COP1: variants seen among roughly 807,000 people sequenced by gnomAD.
The protein encoded by COP1 is COP1 E3 ubiquitin ligase, also known as E3 ubiquitin-protein ligase COP1.
A neutral mutation model predicts 101.3 loss-of-function variants in COP1; 24 were observed. The observed-to-expected ratio is 0.24, with a 90% CI of 0.17 to 0.33. COP1 has a LOEUF of 0.33. Ranked by LOEUF, COP1 falls within the 10% of genes least tolerant of loss-of-function variation. The pLI, the probability that COP1 is intolerant of heterozygous loss-of-function variation, is 1.00. For synonymous variants in COP1, 347 were observed against 341.9 expected, an observed-to-expected ratio of 1.01 and a Z score of -0.17; for missense variants, 663 against 906.2, an observed-to-expected ratio of 0.73 and a Z score of 3.45.
chr1:176,081,066 T>C, intron 11 of COP1, 86 bp downstream of exon 11: 2 of 1,215,604 alleles, frequency 1.6e-6, no homozygotes, highest in Non-Finnish European at 2.3e-6. Context: ...CCCACGCTTT[T>C]AATAATAATG....
At position 176,007,213 on chromosome 1, in the gene COP1, C is replaced by G. The variant is rs1201419058; in HGVS notation, c.1730-17734G>C. ...GCTCCATCAGCTCCTTTAAGCACTT[C>G]TCTATATTGGTTATTCTAGTTATAC... On this transcript the variant is annotated intron_variant, in intron 15 of 19. Transcript: ENST00000367669. Among the ~76,000 whole-genome samples the G allele has an allele frequency of 5.3e-5, 8 of 152,258 alleles. No homozygotes were observed. In the East Asian group the frequency reaches 1.5e-3, roughly 29 times the overall value.
chr1:176,163,765 A>T, intron 4 of COP1, 50 bp downstream of exon 4: 1 of 1,216,692 alleles, frequency 8.2e-7, no homozygotes. Flanking sequence ...AAACCAATAA[A>T]AACAACAAAA....
chr1:176,100,979 C>T (rs1057053353), intron 9 of COP1, among the ~76,000 whole-genome samples: 2 of 152,064 alleles, frequency 1.3e-5, no homozygotes, highest in Non-Finnish European at 2.9e-5. Context: ...AGTTAAAAGG[C>T]ACAGCATAGG....
intron 11 of COP1, among the ~76,000 whole-genome samples, chr1:176,073,775 A>G (rs1677439173): frequency 6.6e-6 from 1 of 152,226 alleles, no homozygotes; most frequent in South Asian, 2.1e-4. Flanking sequence ...CCAAATAAGC[A>G]AAGGAAGAAA....
intron 14 of COP1, among the ~76,000 whole-genome samples, chr1:176,028,729 T>TATATATATATATATATATATATATA (rs1571787386): frequency 3.0e-5 from 1 of 33,006 alleles, no homozygotes; most frequent in Non-Finnish European, 6.6e-5. Context: ...ATATATATAG[T>TATATATATATATATATATATATATA]TTTATATATA....
intron 18 of COP1, among the ~76,000 whole-genome samples, chr1:175,963,462 C>G (rs551277018): frequency 6.6e-6 from 1 of 152,086 alleles, no homozygotes; most frequent in Non-Finnish European, 1.5e-5. Context: ...ACAGCCAGCC[C>G]GACCTGGGTT....
chr1:175,990,631 ATT>A (rs896397861), intron 15 of COP1, among the ~76,000 whole-genome samples: 2 of 152,080 alleles, frequency 1.3e-5, no homozygotes, highest in African/African-American at 4.8e-5. Flanking sequence ...AATATCACAG[ATT>A]TTCTTTTCAT....
At chr1:175,953,461 A>G (rs1414428591) in intron 18 of COP1, among the ~76,000 whole-genome samples, 2 of 152,088 alleles carry the variant, frequency 1.3e-5, no homozygotes, top group Non-Finnish European at 2.9e-5. Context: ...TGCTGTCCCT[A>G]AGAAATACAC....
At chr1:176,043,867 T>C (rs1253752320) in intron 12 of COP1, 49 bp from the exon 13 acceptor site, 4 of 1,056,652 alleles carry the variant, frequency 3.8e-6, no homozygotes, top group Non-Finnish European at 4.4e-6. Context: ...TAAATAACAA[T>C]GGGATAAAAA....
chr1:176,197,005 T>C (rs1699772813), intron 1 of COP1, among the ~76,000 whole-genome samples: 2 of 152,046 alleles, frequency 1.3e-5, no homozygotes, highest in Admixed American at 1.3e-4. Context: ...CGGGTTAAAT[T>C]GTATTTCCAT....
chr1:176,144,019 T>A (rs1039884483), intron 6 of COP1, among the ~76,000 whole-genome samples: 1 of 152,100 alleles, frequency 6.6e-6, no homozygotes, highest in Non-Finnish European at 1.5e-5. Context: ...TGGTGACACG[T>A]TGAATGCTTT....
chr1:176,058,783 T>C (rs1674318662), intron 11 of COP1, among the ~76,000 whole-genome samples: 3 of 150,220 alleles, frequency 2.0e-5, no homozygotes, highest in South Asian at 2.1e-4. Context: ...GAATGTGACC[T>C]CTTATCAGAT....
chr1:176,050,053 T>G (rs1672268747), intron 11 of COP1, among the ~76,000 whole-genome samples: 1 of 152,218 alleles, frequency 6.6e-6, no homozygotes, highest in Non-Finnish European at 1.5e-5. Context: ...TTATAAAAAT[T>G]TACTGCATGA....
chr1:176,023,333 A>C (rs1385107036), intron 15 of COP1, among the ~76,000 whole-genome samples: 2 of 152,236 alleles, frequency 1.3e-5, no homozygotes, highest in Admixed American at 1.3e-4. Flanking sequence ...AACTAGGTAC[A>C]TTACTATTGA....
intron 15 of COP1, among the ~76,000 whole-genome samples, chr1:175,998,131 A>G (rs1571524508): frequency 6.7e-6 from 1 of 150,354 alleles, no homozygotes. Context: ...CTATGCAGCC[A>G]TAAAAAATGA....
chr1:176,189,256 GTTCTT>G (rs946124169), intron 1 of COP1, among the ~76,000 whole-genome samples: 6 of 152,010 alleles, frequency 3.9e-5, no homozygotes, highest in Non-Finnish European at 7.4e-5. Context: ...TTTTCTTTCA[GTTCTT>G]TTATTATTGT....
chr1:176,072,491 C>T (rs1677171651), intron 11 of COP1, among the ~76,000 whole-genome samples: 1 of 152,204 alleles, frequency 6.6e-6, no homozygotes, highest in Non-Finnish European at 1.5e-5. Context: ...CCTCTGCACT[C>T]CCATTCATCT....
In COP1 at chr1:176,163,971, G is replaced by T. The variant is rs921281050; in HGVS notation, c.566-80C>A. The T allele has an allele frequency of 4.5e-6, 4 of 893,866 alleles. No individual in the cohort carries two copies. The South Asian group carries it at 6.8e-5, about 15-fold the overall frequency. The allele number at this position is 893,866 out of a possible 1,614,324, so 55.4% of individuals were successfully genotyped here. A position where few individuals can be genotyped will look rare whatever the true frequency, so the allele number is the denominator to read the frequency against. On this transcript the variant is annotated intron_variant, in intron 3 of 19. Coordinates refer to ENST00000367669, the MANE Select transcript of COP1 (RefSeq NM_022457.7). ...ATCATGTAATTCTTCGGTTTAGATA[G>T]ATTCTATTTTACCTATACATAGCCT...
At chr1:175,969,921 T>C (rs1028087278) in intron 18 of COP1, among the ~76,000 whole-genome samples, 1 of 152,214 alleles carries the variant, frequency 6.6e-6, no homozygotes, top group East Asian at 1.9e-4. Flanking sequence ...CACAGTGTAC[T>C]AGTAGTAATA....
Sources: gnomAD v4.1 joint callset for allele counts (sites outside exome capture counted in the v4.1 genomes callset) on GRCh38, gnomAD v4.1.1 for gene constraint, MANE v1.5 for transcripts, NCBI Gene and HGNC (gene_info 2026-07-23, HGNC 2026-07-21) for gene names.